The following NSUN3 variants were observed in gnomAD, a reference collection of about 807,000 sequenced individuals.
NSUN3 encodes the protein NOP2/Sun RNA methyltransferase 3.
NSUN3 carries 24 observed loss-of-function variants against 36.8 expected under a neutral mutation model. The observed-to-expected ratio is 0.65, with a 90% CI of 0.47 to 0.92. The LOEUF (loss-of-function observed/expected upper bound fraction) is 0.92, where lower values mean the gene tolerates loss of function less well. NSUN3 is among the 40% of genes least tolerant of loss of function. The pLI, the probability that NSUN3 is intolerant of heterozygous loss-of-function variation, is 0.00. For missense variants in NSUN3, 381 were observed against 392.8 expected (o/e 0.97, Z 0.25); for synonymous variants, 146 against 145.2 (o/e 1.01, Z -0.04).
At chr3:94,080,186 G>C (rs1047574133) in intron 2 of NSUN3, among the ~76,000 whole-genome samples, 12 of 152,182 alleles carry the variant, frequency 7.9e-5, no homozygotes, top group African/African-American at 2.9e-4. Flanking sequence ...CTGCAGGTCT[G>C]CTGGAGTTTG....
intron 2 of NSUN3, among the ~76,000 whole-genome samples, chr3:94,067,765 A>G (rs573522836): frequency 2.0e-5 from 3 of 152,242 alleles, no homozygotes; most frequent in East Asian, 3.9e-4. Flanking sequence ...CACAGAGGTT[A>G]AGTAACTTGC....
At chr3:94,068,785 TACAC>T (rs10582127) in intron 2 of NSUN3, among the ~76,000 whole-genome samples, 133 of 145,806 alleles carry the variant, frequency 9.1e-4, no homozygotes, top group African/African-American at 2.9e-3. Flanking sequence ...GAAAAAAAAA[TACAC>T]ACACACACAC....
intron 5 of NSUN3, among the ~76,000 whole-genome samples, chr3:94,105,882 C>T (rs199702948): frequency 6.8e-6 from 1 of 146,956 alleles, no homozygotes; most frequent in South Asian, 2.2e-4. Flanking sequence ...GAAGGCTTTT[C>T]TTTTTTTTTT....
rs750557588 is a variant in NSUN3 at position 94,063,120 on chromosome 3, C to T, written c.-7C>T. Reference sequence around the variant, plus strand: ...ACACCTGTTGTTTGAAAGCTCTCAGCGGGACAATGCTGACCCAGGTGAGAC... The same window carrying T: ...ACACCTGTTGTTTGAAAGCTCTCAGTGGGACAATGCTGACCCAGGTGAGAC... On this transcript the variant is annotated 5_prime_UTR_variant, in exon 1 of 6. Coordinates refer to ENST00000314622, the MANE Select transcript of NSUN3 (RefSeq NM_022072.5). 6.2e-7 allele frequency: 1 copy of T among 1,613,944 alleles called. No homozygotes were observed. The highest frequency in any genetic ancestry group is 1.1e-5 in the South Asian group (1 of 91,066).
intron 5 of NSUN3, among the ~76,000 whole-genome samples, chr3:94,112,046 T>A (rs1372009551): frequency 6.6e-6 from 1 of 152,124 alleles, no homozygotes; most frequent in Non-Finnish European, 1.5e-5. Context: ...AGAGTCAACA[T>A]CGCAGGTCAA....
chr3:94,116,984 A>C (rs73158005), intron 5 of NSUN3, among the ~76,000 whole-genome samples: 1 of 128,438 alleles, frequency 7.8e-6, no homozygotes, highest in African/African-American at 2.9e-5. Context: ...ATCTGCCACA[A>C]CTTTTTTTTT....
chr3:94,090,042 T>A (rs1392577867), intron 3 of NSUN3, among the ~76,000 whole-genome samples: 1 of 152,180 alleles, frequency 6.6e-6, no homozygotes, highest in Non-Finnish European at 1.5e-5. Flanking sequence ...TTGGAAAAAC[T>A]GGAAAGAAGG....
At position 94,131,626 on chromosome 3, in the gene NSUN3, G is replaced by C. The variant is rs1461777952; in HGVS notation, c.*5136G>C. Among the ~76,000 whole-genome samples the C allele has an allele frequency of 2.0e-5, 3 of 152,334 alleles. No homozygotes were observed. The highest frequency in any genetic ancestry group is 3.4e-3 in the Middle Eastern group (1 of 294). On this transcript the variant is annotated 3_prime_UTR_variant, in exon 6 of 6. Coordinates refer to ENST00000314622, the MANE Select transcript of NSUN3 (RefSeq NM_022072.5). The stretch of plus-strand genomic sequence containing the variant: ...CCTTCCTTTTCTTTGCAGATGCTGA[G>C]CTGAAGAATGGAAATTTGGAGCAGA...
At chr3:94,089,751 G>T (rs550046504) in intron 3 of NSUN3, among the ~76,000 whole-genome samples, 3 of 152,284 alleles carry the variant, frequency 2.0e-5, no homozygotes, top group South Asian at 2.1e-4. Flanking sequence ...CAGAGTACTC[G>T]CTTGGGTCTC....
intron 5 of NSUN3, 85 bp downstream of exon 5, chr3:94,095,239 G>T: frequency 7.4e-7 from 1 of 1,345,648 alleles, no homozygotes. Context: ...CCCCAGTGGA[G>T]GGCTTGCTGT....
intron 2 of NSUN3, among the ~76,000 whole-genome samples, chr3:94,073,585 G>T (rs1239070340): frequency 6.6e-6 from 1 of 152,138 alleles, no homozygotes; most frequent in Non-Finnish European, 1.5e-5. Context: ...ATGTTTGTTG[G>T]CTGCATAAAT....
rs1430443197 is a variant in NSUN3, at chr3:94,129,767, T to TTTTTTTTA, written c.*3277_*3278insTTTTTTTA. ...CTTTTTTTTTTTTTTTTTTTTTTTT[T>TTTTTTTTA]GAGACAGAGTCTTGCTCTGTCGCCC... On this transcript the variant is annotated 3_prime_UTR_variant, in exon 6 of 6. Coordinates refer to ENST00000314622, the MANE Select transcript of NSUN3 (RefSeq NM_022072.5). Among the ~76,000 whole-genome samples the TTTTTTTTA allele has an allele frequency of 7.1e-6, 1 of 140,338 alleles. No individual in the cohort carries two copies. The highest frequency in any genetic ancestry group is 1.6e-5 in the Non-Finnish European group (1 of 64,094). The allele number at this position is 140,338 out of a possible 152,430, so 92.1% of individuals were successfully genotyped here.
intron 2 of NSUN3, among the ~76,000 whole-genome samples, chr3:94,079,130 C>T (rs1342253680): frequency 1.3e-5 from 2 of 152,284 alleles, no homozygotes; most frequent in East Asian, 1.9e-4. Flanking sequence ...CTGGTGGTAA[C>T]AAAATCTCTC....
chr3:94,076,365 G>A (rs2077245761), intron 2 of NSUN3: 1 of 813,712 alleles, frequency 1.2e-6, no homozygotes, highest in African/African-American at 1.7e-5. Context: ...TCAGCAGTGT[G>A]AGCGTCAACT....
intron 5 of NSUN3, among the ~76,000 whole-genome samples, chr3:94,116,913 A>ATTT (rs1308358466): frequency 6.7e-6 from 1 of 149,118 alleles, no homozygotes; most frequent in African/African-American, 2.4e-5. Context: ...ATACCACATG[A>ATTT]GATAAGTCTT....
chr3:94,119,790 T>A (rs2077454130), intron 5 of NSUN3, among the ~76,000 whole-genome samples: 1 of 152,254 alleles, frequency 6.6e-6, no homozygotes, highest in South Asian at 2.1e-4. Context: ...TTAAACAACA[T>A]GCAGCAGTAG....
At chr3:94,076,454 A>G (rs2107240707) in intron 2 of NSUN3, 2 of 789,224 alleles carry the variant, frequency 2.5e-6, no homozygotes, top group South Asian at 1.3e-5. Context: ...TGACCCAAAC[A>G]GAGACTTATG....
chr3:94,066,641 C>T (rs2077204980), intron 2 of NSUN3, among the ~76,000 whole-genome samples: 1 of 152,102 alleles, frequency 6.6e-6, no homozygotes, highest in African/African-American at 2.4e-5. Context: ...TTGTTGCCTC[C>T]ATGTTCTCCT....
chr3:94,068,807 C>CAT (rs1336510736), intron 2 of NSUN3, among the ~76,000 whole-genome samples: 27 of 137,530 alleles, frequency 2.0e-4, no homozygotes, highest in African/African-American at 7.0e-4. Context: ...CACACACACA[C>CAT]ATACACACAC....
Sources: gnomAD v4.1 joint callset for allele counts (sites outside exome capture counted in the v4.1 genomes callset) on GRCh38, gnomAD v4.1.1 for gene constraint, MANE v1.5 for transcripts, NCBI Gene and HGNC (gene_info 2026-07-23, HGNC 2026-07-21) for gene names.